DLGAP1: variants seen among roughly 807,000 people sequenced by gnomAD.
The protein encoded by DLGAP1 is DLG associated protein 1.
A neutral mutation model predicts 90.8 loss-of-function variants in DLGAP1; 11 were observed. The observed-to-expected ratio is 0.12, with a 90% confidence interval of 0.08 to 0.20. The LOEUF (loss-of-function observed/expected upper bound fraction) is 0.20. Among genes scored for constraint, DLGAP1 ranks in the 10% least tolerant of loss-of-function variants. The probability of loss-of-function intolerance (pLI) is 1.00; values close to 1 mark genes in which losing one functional copy is unlikely to be tolerated. For missense variants in DLGAP1, 1,050 were observed against 1,333.8 expected (o/e 0.79, Z 3.31); for synonymous variants, 558 against 540.7 (o/e 1.03, Z -0.44).
chr18:3,821,773 G>C, intron 4 of DLGAP1: 1 of 391,418 alleles, frequency 2.6e-6, no homozygotes, highest in Non-Finnish European at 3.5e-6. Flanking sequence ...CAGCGTTTTA[G>C]CATTTGTAAG....
chr18:3,761,798 A>ACTC (rs1373977944), intron 5 of DLGAP1, among the ~76,000 whole-genome samples: 1 of 151,330 alleles, frequency 6.6e-6, no homozygotes, highest in African/African-American at 2.4e-5. Context: ...CTGGTCCCAA[A>ACTC]CTCCTGACCC....
intron 1 of DLGAP1, among the ~76,000 whole-genome samples, chr18:4,338,344 A>G (rs1227896964): frequency 6.6e-6 from 1 of 152,238 alleles, no homozygotes; most frequent in East Asian, 1.9e-4. Context: ...AAATCCAGAA[A>G]GGTGCTGAGT....
intron 1 of DLGAP1, among the ~76,000 whole-genome samples, chr18:4,368,077 T>A (rs964283954): frequency 6.6e-6 from 1 of 152,246 alleles, no homozygotes; most frequent in East Asian, 1.9e-4. Context: ...CACATTAGAC[T>A]ATATTCACGA....
chr18:3,872,890 C>T (rs567156887), intron 4 of DLGAP1, among the ~76,000 whole-genome samples: 2 of 152,282 alleles, frequency 1.3e-5, no homozygotes, highest in Admixed American at 1.3e-4. Context: ...TTCTCTTTCA[C>T]TCTTTGCTAA....
At chr18:3,808,248 T>C (rs1482812651) in intron 5 of DLGAP1, among the ~76,000 whole-genome samples, 1 of 152,222 alleles carries the variant, frequency 6.6e-6, no homozygotes, top group Non-Finnish European at 1.5e-5. Flanking sequence ...TCGCGTTTCT[T>C]ATTATATTGG....
At chr18:4,131,043 T>C (rs771438351) in intron 2 of DLGAP1, among the ~76,000 whole-genome samples, 4 of 152,180 alleles carry the variant, frequency 2.6e-5, no homozygotes, top group Admixed American at 6.5e-5. Context: ...CAATGTCTTT[T>C]ATGATCACAA....
intron 3 of DLGAP1, among the ~76,000 whole-genome samples, chr18:3,979,517 A>T (rs1843140901): frequency 1.3e-5 from 2 of 152,198 alleles, no homozygotes; most frequent in African/African-American, 2.4e-5. Flanking sequence ...TATCTCTTAG[A>T]AAGAAAAAGT....
At chr18:3,587,454 T>C (rs2145484821) in intron 7 of DLGAP1, among the ~76,000 whole-genome samples, 1 of 152,220 alleles carries the variant, frequency 6.6e-6, no homozygotes, top group Middle Eastern at 3.4e-3. Flanking sequence ...AGCACCTGTG[T>C]CTAGCTAAAG....
At chr18:4,207,870 A>C (rs753685480) in intron 1 of DLGAP1, among the ~76,000 whole-genome samples, 2 of 152,300 alleles carry the variant, frequency 1.3e-5, no homozygotes, top group Middle Eastern at 3.4e-3. Flanking sequence ...CCCTATTAAA[A>C]AATCATTTAT....
intron 7 of DLGAP1, among the ~76,000 whole-genome samples, chr18:3,663,433 C>T (rs958190561): frequency 2.0e-5 from 3 of 152,174 alleles, no homozygotes; most frequent in South Asian, 2.1e-4. Context: ...TGAAACTCTT[C>T]CTATTGAGAA....
At chr18:3,714,078 A>C (rs2061680109) in intron 7 of DLGAP1, among the ~76,000 whole-genome samples, 1 of 152,218 alleles carries the variant, frequency 6.6e-6, no homozygotes, top group Non-Finnish European at 1.5e-5. Context: ...ATTTCTTAGG[A>C]AAGAATTTTA....
At chr18:3,535,435 T>C (rs967936331) in intron 9 of DLGAP1, among the ~76,000 whole-genome samples, 29 of 151,966 alleles carry the variant, frequency 1.9e-4, no homozygotes, top group Non-Finnish European at 4.1e-4. Flanking sequence ...GGGCCGGGCG[T>C]GGTGGCTCAC....
At chr18:4,336,675 C>G (rs1375107863) in intron 1 of DLGAP1, among the ~76,000 whole-genome samples, 4 of 152,170 alleles carry the variant, frequency 2.6e-5, no homozygotes, top group Admixed American at 2.6e-4. Flanking sequence ...CTAACATCCA[C>G]TCTACTTTAA....
chr18:3,761,955 T>C (rs1233739067), intron 5 of DLGAP1, among the ~76,000 whole-genome samples: 1 of 152,184 alleles, frequency 6.6e-6, no homozygotes, highest in Non-Finnish European at 1.5e-5. Context: ...TCTTTTCTAT[T>C]TCATTTCTCA....
chr18:3,888,771 G>C (rs1448078329), intron 3 of DLGAP1, among the ~76,000 whole-genome samples: 5 of 152,330 alleles, frequency 3.3e-5, no homozygotes, highest in Middle Eastern at 3.4e-3. Flanking sequence ...GGATTTAGGA[G>C]TGATTTTTAT....
At chr18:3,581,657 T>A in intron 8 of DLGAP1, among the ~76,000 whole-genome samples, 2 of 90,950 alleles carry the variant, frequency 2.2e-5, no homozygotes. Flanking sequence ...AAAAATCTTC[T>A]CACCATGAAA....
intron 1 of DLGAP1, among the ~76,000 whole-genome samples, chr18:4,438,673 T>C (rs187949205): frequency 2.6e-5 from 4 of 151,752 alleles, no homozygotes; most frequent in Admixed American, 1.3e-4. Flanking sequence ...TACTCCTTAA[T>C]GTAGGTTACA....
At chr18:4,005,303 C>T (rs997757488) in intron 2 of DLGAP1, 102 bp from the exon 3 acceptor site, 3 of 152,114 alleles carry the variant, frequency 2.0e-5, no homozygotes, top group Non-Finnish European at 2.9e-5. Flanking sequence ...ATGACTTGAC[C>T]TTCTTTTGCA....
chr18:4,015,066 T>C (rs1275107350), intron 2 of DLGAP1, among the ~76,000 whole-genome samples: 2 of 152,064 alleles, frequency 1.3e-5, no homozygotes, highest in African/African-American at 4.8e-5. Flanking sequence ...TTGACAGAAA[T>C]ATTAAAGAGA....
Sources: gnomAD v4.1 joint callset for allele counts (sites outside exome capture counted in the v4.1 genomes callset) on GRCh38, gnomAD v4.1.1 for gene constraint, MANE v1.5 for transcripts, NCBI Gene and HGNC (gene_info 2026-07-23, HGNC 2026-07-21) for gene names.